Variants in NAV2 observed in about 807,000 individuals in gnomAD.
NAV2 encodes neuron navigator 2, also known as helicase, APC down-regulated 1.
A neutral mutation model predicts 223.2 loss-of-function variants in NAV2; 54 were observed. The ratio of observed to expected loss-of-function variants is 0.24; its 90% confidence interval spans 0.19 to 0.30. The LOEUF is 0.30. NAV2 is among the 10% of genes least tolerant of loss of function. NAV2 has a pLI of 1.00. For synonymous variants in NAV2, 1,279 were observed against 1,239.3 expected, an observed-to-expected ratio of 1.03 and a Z score of -0.67; for missense variants, 2,806 against 3,147.5, an observed-to-expected ratio of 0.89 and a Z score of 2.60.
intron 10 of NAV2, among the ~76,000 whole-genome samples, chr11:19,952,257 GATATC>G (rs1281009656): frequency 6.6e-6 from 1 of 152,204 alleles, no homozygotes; most frequent in Non-Finnish European, 1.5e-5. Flanking sequence ...AATAGACTGG[GATATC>G]ATATTGGGCA....
chr11:19,689,133 C>T (rs548136873), intron 1 of NAV2, among the ~76,000 whole-genome samples: 4 of 152,254 alleles, frequency 2.6e-5, no homozygotes, highest in Non-Finnish European at 5.9e-5. Flanking sequence ...TTCTTGGCTG[C>T]CCTGGTCAAG....
chr11:19,469,945 TAA>T (rs1211092999), intron 1 of NAV2, among the ~76,000 whole-genome samples: 2 of 152,176 alleles, frequency 1.3e-5, no homozygotes, highest in African/African-American at 4.8e-5. Flanking sequence ...TCATTAACAC[TAA>T]GAGAGGAAGG....
intron 10 of NAV2, among the ~76,000 whole-genome samples, chr11:19,949,860 A>G (rs2047241188): frequency 6.6e-6 from 1 of 152,224 alleles, no homozygotes; most frequent in South Asian, 2.1e-4. Context: ...TGCTAAATCA[A>G]TGAACACGTG....
chr11:19,635,889 A>G (rs991245215), intron 1 of NAV2, among the ~76,000 whole-genome samples: 2 of 152,206 alleles, frequency 1.3e-5, no homozygotes, highest in Non-Finnish European at 2.9e-5. Flanking sequence ...TACCTTAAGG[A>G]TAGGTGAGCA....
chr11:20,106,646 T>C (rs2062143618), intron 35 of NAV2, among the ~76,000 whole-genome samples: 1 of 151,978 alleles, frequency 6.6e-6, no homozygotes, highest in African/African-American at 2.4e-5. Context: ...TTTTTGTTTT[T>C]GTTTTTGTTT....
Position 19,590,090 on chromosome 11 carries a change from A to G in NAV2, c.75+239063A>G, listed in dbSNP as rs114607732. 2.3e-3 allele frequency among the ~76,000 whole-genome samples: 344 copies of G among 152,296 alleles called. 1 individual carries two copies. Among genetic ancestry groups the G allele is most frequent in the African/African-American group, 8.0e-3 (333 of 41,566 alleles). ...CTTGTGATCTGCGAGCATTGGTCAA[A>G]TTACTTAACCACTGTGCCGACGTTT... On this transcript the variant is annotated intron_variant, in intron 1 of 37. Coordinates refer to the NAV2 transcript ENST00000360655.
At chr11:19,704,587 A>C (rs551318374) in intron 1 of NAV2, among the ~76,000 whole-genome samples, 1 of 152,368 alleles carries the variant, frequency 6.6e-6, no homozygotes, top group African/African-American at 2.4e-5. Flanking sequence ...TGTTGTGAGC[A>C]TGAGAAATCA....
At chr11:19,406,468 G>C (rs948375767) in intron 1 of NAV2, among the ~76,000 whole-genome samples, 1 of 152,260 alleles carries the variant, frequency 6.6e-6, no homozygotes, top group African/African-American at 2.4e-5. Flanking sequence ...CGGGTGACTT[G>C]GCCTAAAGTC....
At chr11:19,382,873 C>G (rs1848897094) in intron 1 of NAV2, among the ~76,000 whole-genome samples, 1 of 152,126 alleles carries the variant, frequency 6.6e-6, no homozygotes. Flanking sequence ...AGTCTGACTC[C>G]AAAGTTTGAG....
intron 1 of NAV2, among the ~76,000 whole-genome samples, chr11:19,825,655 C>T (rs1017244365): frequency 2.6e-5 from 4 of 152,116 alleles, no homozygotes; most frequent in Admixed American, 6.6e-5. Flanking sequence ...TAGTGCTACC[C>T]GGCTTCATTT....
At chr11:19,391,971 TA>T (rs1229596948) in intron 1 of NAV2, among the ~76,000 whole-genome samples, 2 of 152,162 alleles carry the variant, frequency 1.3e-5, no homozygotes, top group Non-Finnish European at 2.9e-5. Flanking sequence ...TAAATGAAGC[TA>T]AAAAATAAAT....
Position 20,078,062 on chromosome 11 carries a change from G to A in NAV2, c.5137G>A (p.Ala1713Thr), listed in dbSNP as rs1305827290. ...LKKQNAAAQA[A>T]INGVINTPEL... ...GAAACAGAACGCAGCTGCCCAGGCT[G>A]CCATTAATGGAGTAATTAACACACC... The change falls in exon 24 of 38, where the codon GCC becomes ACC. Residue 1713 changes from alanine (A) to threonine (T), a missense_variant. Ala to Thr is a moderately conservative substitution (Grantham distance 58, BLOSUM62 0). Coordinates refer to ENST00000349880, the MANE Select transcript of NAV2 (RefSeq NM_145117.5). The A allele has an allele frequency of 6.2e-7, 1 of 1,613,328 alleles. No individual in the cohort carries two copies. The highest frequency in any genetic ancestry group is 2.2e-5 in the East Asian group (1 of 44,856).
At chr11:19,899,786 G>T (rs895403280) in intron 6 of NAV2, among the ~76,000 whole-genome samples, 1 of 152,172 alleles carries the variant, frequency 6.6e-6, no homozygotes, top group African/African-American at 2.4e-5. Context: ...GAAAAGGAAG[G>T]CTGGGAAAGA....
At chr11:19,865,427 A>G (rs1186665086) in intron 3 of NAV2, among the ~76,000 whole-genome samples, 1 of 152,166 alleles carries the variant, frequency 6.6e-6, no homozygotes, top group African/African-American at 2.4e-5. Flanking sequence ...CAAAGAAACA[A>G]TCTCCCTTTC....
chr11:19,684,122 G>A (rs2048951841), intron 1 of NAV2, among the ~76,000 whole-genome samples: 1 of 152,184 alleles, frequency 6.6e-6, no homozygotes, highest in Non-Finnish European at 1.5e-5. Context: ...TTCTTCATCT[G>A]TGAAGTGGGG....
At chr11:20,084,510 A>G (rs539729138) in intron 26 of NAV2, among the ~76,000 whole-genome samples, 1 of 152,310 alleles carries the variant, frequency 6.6e-6, no homozygotes, top group Admixed American at 6.5e-5. Context: ...CACCCTAGTA[A>G]GAGGTAGCCA....
At chr11:19,787,266 GGATCT>G (rs1269242552) in intron 1 of NAV2, among the ~76,000 whole-genome samples, 2,949 of 82,968 alleles carry the variant, frequency 0.036, 320 homozygotes, top group East Asian at 0.14. Flanking sequence ...AATTTTTATT[GGATCT>G]TTTTTTTTTT....
chr11:19,393,868 T>C (rs1311604310), intron 1 of NAV2, among the ~76,000 whole-genome samples: 1 of 149,896 alleles, frequency 6.7e-6, no homozygotes, highest in East Asian at 2.0e-4. Context: ...TTACTTCTGT[T>C]CTAAAAAGAG....
chr11:19,349,062 A>G (rs2133683871), upstream of NAV2, among the ~76,000 whole-genome samples: 1 of 152,318 alleles, frequency 6.6e-6, no homozygotes, highest in South Asian at 2.1e-4. Context: ...CTAAAAGCTC[A>G]GCTACTTCCT....
Sources: gnomAD v4.1 joint callset for allele counts (sites outside exome capture counted in the v4.1 genomes callset) on GRCh38, gnomAD v4.1.1 for gene constraint, MANE v1.5 for transcripts, NCBI Gene and HGNC (gene_info 2026-07-23, HGNC 2026-07-21) for gene names.